Variants in TATDN3 observed in about 807,000 individuals in gnomAD.
The protein encoded by TATDN3 is deoxyribonuclease TATDN3.
TATDN3 carries 29 observed loss-of-function variants against 40.1 expected under a neutral mutation model. The observed-to-expected ratio is 0.72, with a 90% confidence interval of 0.54 to 0.99. The LOEUF is 0.99. Ranked by LOEUF, TATDN3 falls within the 50% of genes least tolerant of loss-of-function variation. The pLI, the probability that TATDN3 is intolerant of heterozygous loss-of-function variation, is 0.00. For synonymous variants in TATDN3, 105 were observed against 117.0 expected, an observed-to-expected ratio of 0.90 and a Z score of 0.66; for missense variants, 309 against 321.9, an observed-to-expected ratio of 0.96 and a Z score of 0.31.
At chr1:212,807,617 A>C in intron 7 of TATDN3, 119 bp from the exon 8 acceptor site, 1 of 670,028 alleles carries the variant, frequency 1.5e-6, no homozygotes, top group Non-Finnish European at 2.5e-6. Flanking sequence ...TTTAGAAGTT[A>C]TAGAACCTCT....
Position 212,815,930 on chromosome 1 carries a change from T to G in TATDN3, c.*774T>G, listed in dbSNP as rs1446926981. On this transcript the variant is annotated 3_prime_UTR_variant, in exon 10 of 10. Transcript: ENST00000366974. ...AATCTCTTTTCTAGGTTTGTAAAAT[T>G]GAACTTTTAGTACTTCGAATTATTT... 6.6e-6 allele frequency: 1 copy of G among 152,238 alleles called. No individual in the cohort carries two copies. The highest frequency in any genetic ancestry group is 1.5e-5 in the Non-Finnish European group (1 of 68,048). The allele number at this position is 152,238 out of a possible 1,614,324, so 9.4% of individuals were successfully genotyped here.
intron 9 of TATDN3, among the ~76,000 whole-genome samples, chr1:212,813,848 T>G (rs1362550576): frequency 1.3e-5 from 2 of 152,160 alleles, no homozygotes; most frequent in African/African-American, 4.8e-5. Flanking sequence ...GTAGCTGGGA[T>G]TACAGGCTTG....
At chr1:212,793,913 T>C (rs1189883545) in intron 1 of TATDN3, among the ~76,000 whole-genome samples, 4 of 152,170 alleles carry the variant, frequency 2.6e-5, no homozygotes, top group African/African-American at 9.7e-5. Flanking sequence ...TTGGGAAACC[T>C]AATCCCATCC....
intron 2 of TATDN3, among the ~76,000 whole-genome samples, chr1:212,795,764 T>A (rs1225549482): frequency 6.6e-6 from 1 of 151,958 alleles, no homozygotes; most frequent in East Asian, 1.9e-4. Flanking sequence ...AGCTAAGGCC[T>A]TTCTCGACTT....
Position 212,795,079 on chromosome 1 carries a change from C to A in TATDN3, c.67-16C>A. ...TATTCATCTAAAATAATGGTGATTT[C>A]TTATGCTTGTTTTAGGATTTGGATG... On this transcript the variant is annotated splice_polypyrimidine_tract_variant and intron_variant, in intron 1 of 9. Coordinates refer to ENST00000366974, the MANE Select transcript of TATDN3 (RefSeq NM_001042552.3). 6.2e-7 allele frequency: 1 copy of A among 1,606,696 alleles called. No homozygotes were observed. The highest frequency in any genetic ancestry group is 8.5e-7 in the Non-Finnish European group (1 of 1,173,886).
chr1:212,795,463 G>GT (rs1162220817), intron 2 of TATDN3, among the ~76,000 whole-genome samples: 1 of 150,022 alleles, frequency 6.7e-6, no homozygotes, highest in African/African-American at 2.5e-5. Flanking sequence ...TAGAGACAGG[G>GT]TTTCACCATG....
intron 1 of TATDN3, 79 bp downstream of exon 1, chr1:212,792,066 C>T: frequency 2.1e-6 from 3 of 1,451,294 alleles, no homozygotes; most frequent in Non-Finnish European, 2.9e-6. Flanking sequence ...GCTCTCCTCC[C>T]TTGGGACGAA....
chr1:212,798,729 T>C (rs1205599543), intron 4 of TATDN3, among the ~76,000 whole-genome samples: 1 of 152,138 alleles, frequency 6.6e-6, no homozygotes. Context: ...GACATTCATT[T>C]AGTTAGGTAG....
rs1322750302 is a variant in TATDN3 at position 212,815,348 on chromosome 1, C to T, written c.*192C>T. 99 of 572,104 alleles carry T rather than the reference C, an allele frequency of 1.7e-4. No homozygotes were observed. The highest frequency in any genetic ancestry group is 2.5e-5 in the Non-Finnish European group (9 of 365,202). The allele number at this position is 572,104 out of a possible 1,614,324, so 35.4% of individuals were successfully genotyped here. ...TGAAACCCTGGGTTCTGATTCTAGC[C>T]TTGTGCTGCTTTTCAATTAGCCGAG... is the stretch of plus-strand genomic sequence containing the variant. On this transcript the variant is annotated 3_prime_UTR_variant, in exon 10 of 10. Coordinates refer to ENST00000366974, the MANE Select transcript of TATDN3 (RefSeq NM_001042552.3).
At chr1:212,803,099 T>C (rs189094856) in intron 5 of TATDN3, among the ~76,000 whole-genome samples, 1 of 152,234 alleles carries the variant, frequency 6.6e-6, no homozygotes, top group Admixed American at 6.5e-5. Context: ...AAACACACTT[T>C]AAATGGGCTA....
intron 8 of TATDN3, among the ~76,000 whole-genome samples, chr1:212,808,229 C>T (rs558622682): frequency 6.6e-6 from 1 of 150,942 alleles, no homozygotes; most frequent in East Asian, 2.0e-4. Flanking sequence ...AGGAGAATCG[C>T]TTGAACCAGG....
At chr1:212,797,266 CCT>C (rs756997334) in intron 4 of TATDN3, 70 bp downstream of exon 4, 45 of 1,108,134 alleles carry the variant, frequency 4.1e-5, no homozygotes, top group Non-Finnish European at 5.8e-5. Context: ...CAGTAATCCT[CCT>C]CTTTCTAATT....
chr1:212,807,933 C>A, intron 8 of TATDN3, 85 bp downstream of exon 8: 1 of 817,850 alleles, frequency 1.2e-6, no homozygotes. Context: ...TGATACTATT[C>A]TAGTTACATT....
chr1:212,796,660 T>A, intron 3 of TATDN3, 70 bp downstream of exon 3: 1 of 1,091,142 alleles, frequency 9.2e-7, no homozygotes, highest in Non-Finnish European at 1.3e-6. Context: ...GTTTATAATA[T>A]CAAAGATCCA....
intron 4 of TATDN3, among the ~76,000 whole-genome samples, chr1:212,798,536 C>CAAAAAAAAAAAAAAAAAAAAAAAAAAAA (rs11296428): frequency 1.1e-5 from 1 of 91,320 alleles, no homozygotes; most frequent in Non-Finnish European, 2.1e-5. Context: ...CTCAAAAACT[C>CAAAAAAAAAAAAAAAAAAAAAAAAAAAA]AAAAAAAAAA....
chr1:212,807,757 A>C lies in TATDN3; in HGVS notation c.509A>C (p.His170Pro). The C allele has an allele frequency of 6.2e-7, 1 of 1,613,470 alleles. No homozygotes were observed. Among genetic ancestry groups the C allele is most frequent in the Admixed American group, 1.7e-5 (1 of 59,816 alleles). Residue 170 changes from histidine (H) to proline (P), a missense_variant, in exon 8 of 10, where the codon CAT (histidine) becomes CCT (proline). Physicochemically the swap from His to Pro is moderately conservative, Grantham distance 77. Transcript: ENST00000366974. ...AAAGGTGCTGAGAAGGTACTGCTGC[A>C]TGCATTTGATGGTCGGCCATCTGTA... is the stretch of plus-strand genomic sequence containing the variant. ...QEQGAEKVLLHAFDGRPSVAM... is the reference protein window; with the variant it reads ...QEQGAEKVLLPAFDGRPSVAM...
intron 7 of TATDN3, among the ~76,000 whole-genome samples, chr1:212,806,936 ATTTAT>A (rs1662575994): frequency 1.4e-5 from 2 of 143,372 alleles, no homozygotes; most frequent in South Asian, 4.3e-4. Flanking sequence ...ATATATATTT[ATTTAT>A]TTTATTTATT....
intron 9 of TATDN3, among the ~76,000 whole-genome samples, chr1:212,813,468 T>A (rs1663006727): frequency 6.6e-6 from 1 of 152,310 alleles, no homozygotes; most frequent in Admixed American, 6.5e-5. Flanking sequence ...GTAGCAATTA[T>A]TATCCGTTTA....
rs1388856903 is a variant in TATDN3, at chr1:212,815,363, A to T, written c.*207A>T. 1.2e-5 allele frequency: 6 copies of T among 521,514 alleles called. No homozygotes were observed. The highest frequency in any genetic ancestry group is 5.4e-4 in the Middle Eastern group (1 of 1,854). The allele number at this position is 521,514 out of a possible 1,614,324, so 32.3% of individuals were successfully genotyped here. ...TGATTCTAGCCTTGTGCTGCTTTTC[A>T]ATTAGCCGAGTTCTGGCAGGATATT... On this transcript the variant is annotated 3_prime_UTR_variant, in exon 10 of 10. Transcript: ENST00000366974.
Sources: allele counts gnomAD v4.1 joint callset (sites outside exome capture counted in the v4.1 genomes callset), GRCh38; gene constraint gnomAD v4.1.1; transcripts MANE v1.5; gene names NCBI Gene and HGNC (gene_info 2026-07-23, HGNC 2026-07-21).